RBFOX2: variants seen among roughly 807,000 people sequenced by gnomAD.
RBFOX2 encodes the protein RNA binding protein fox-1 homolog 2.
Under a neutral mutation model 49.1 loss-of-function variants are expected in RBFOX2, and 10 were observed. The observed-to-expected ratio is 0.20, with a 90% CI of 0.13 to 0.35. The LOEUF (loss-of-function observed/expected upper bound fraction) is 0.35, where lower values mean the gene tolerates loss of function less well. Ranked by LOEUF, RBFOX2 falls within the 10% of genes least tolerant of loss-of-function variation. The pLI, the probability that RBFOX2 is intolerant of heterozygous loss-of-function variation, is 1.00. For synonymous variants in RBFOX2, 183 were observed against 187.4 expected (o/e 0.98, Z 0.19); for missense variants, 323 against 486.9 (o/e 0.66, Z 3.17).
chr22:36,001,414 A>G (rs897417662), intron 1 of RBFOX2, among the ~76,000 whole-genome samples: 2 of 152,230 alleles, frequency 1.3e-5, no homozygotes, highest in Non-Finnish European at 2.9e-5. Flanking sequence ...ATGACAAAAG[A>G]AATATAAATG....
chr22:35,746,591 G>A, intron 9 of RBFOX2, 30 bp from the exon 12 acceptor site: 17 of 1,416,050 alleles, frequency 1.2e-5, no homozygotes, highest in Non-Finnish European at 1.6e-5. Context: ...TGACTTTACA[G>A]ATACCTCTCC....
intron 1 of RBFOX2, among the ~76,000 whole-genome samples, chr22:35,851,990 C>T (rs1455421990): frequency 1.3e-5 from 2 of 152,120 alleles, no homozygotes; most frequent in Non-Finnish European, 2.9e-5. Context: ...AATATACAGT[C>T]AGCCCTCCTT....
At chr22:35,836,972 A>T (rs1410261892) in intron 1 of RBFOX2, among the ~76,000 whole-genome samples, 1 of 152,232 alleles carries the variant, frequency 6.6e-6, no homozygotes, top group African/African-American at 2.4e-5. Context: ...AAAATAAGAG[A>T]TCTCAGTGAA....
At chr22:35,952,982 C>G (rs1376274687) in intron 1 of RBFOX2, among the ~76,000 whole-genome samples, 1 of 151,964 alleles carries the variant, frequency 6.6e-6, no homozygotes, top group Non-Finnish European at 1.5e-5. Context: ...GAGGCTGTGG[C>G]GGGCGGATCA....
intron 1 of RBFOX2, chr22:35,999,998 TATATATA>T (rs1569521283): frequency 1.2e-4 from 13 of 110,746 alleles, no homozygotes; most frequent in Admixed American, 7.5e-4. Context: ...TATATATATA[TATATATA>T]TTTTTTTTTT....
At chr22:35,833,588 T>G (rs1214433182) in intron 1 of RBFOX2, among the ~76,000 whole-genome samples, 1 of 152,198 alleles carries the variant, frequency 6.6e-6, no homozygotes, top group East Asian at 1.9e-4. Flanking sequence ...CTCACCTATC[T>G]CAAAGATGAT....
chr22:35,885,958 G>A (rs1478093208), intron 1 of RBFOX2, among the ~76,000 whole-genome samples: 2 of 137,140 alleles, frequency 1.5e-5, no homozygotes, highest in Admixed American at 8.2e-5. Context: ...CCGGGTCCAC[G>A]CCATTCTCCT....
intron 9 of RBFOX2, among the ~76,000 whole-genome samples, chr22:35,758,197 G>A (rs1458579720): frequency 6.6e-6 from 1 of 152,138 alleles, no homozygotes; most frequent in Non-Finnish European, 1.5e-5. Flanking sequence ...GGAAATCAGT[G>A]TTCAATGTAA....
chr22:35,795,724 T>C (rs1405169186), intron 2 of RBFOX2, among the ~76,000 whole-genome samples: 5 of 149,208 alleles, frequency 3.4e-5, no homozygotes, highest in Admixed American at 6.7e-5. Context: ...CTGACTAATA[T>C]AGTAATAAAG....
At chr22:36,020,725 T>C (rs2059212307) in intron 1 of RBFOX2, among the ~76,000 whole-genome samples, 1 of 152,126 alleles carries the variant, frequency 6.6e-6, no homozygotes, top group African/African-American at 2.4e-5. Context: ...AGAATGGCGA[T>C]CATTAAAAAG....
intron 1 of RBFOX2, among the ~76,000 whole-genome samples, chr22:35,819,675 T>C (rs1258040379): frequency 6.6e-6 from 1 of 152,182 alleles, no homozygotes; most frequent in African/African-American, 2.4e-5. Context: ...TCAGATATTC[T>C]GTTCTAGCTG....
At chr22:35,897,283 C>A in intron 1 of RBFOX2, 1 of 1,509,336 alleles carries the variant, frequency 6.6e-7, no homozygotes, top group Non-Finnish European at 9.2e-7. Flanking sequence ...ACGGTCTTGG[C>A]CAGCTTCACA....
At chr22:35,855,811 G>A (rs1183657587) in intron 1 of RBFOX2, among the ~76,000 whole-genome samples, 1 of 150,890 alleles carries the variant, frequency 6.6e-6, no homozygotes, top group Non-Finnish European at 1.5e-5. Context: ...GACTGCCTAA[G>A]TCAAAGAGTT....
At chr22:35,929,699 T>G in intron 1 of RBFOX2, among the ~76,000 whole-genome samples, 1 of 152,132 alleles carries the variant, frequency 6.6e-6, no homozygotes, top group Admixed American at 6.5e-5. Flanking sequence ...TTGCCCACGC[T>G]GGTCTTGAAC....
intron 2 of RBFOX2, among the ~76,000 whole-genome samples, chr22:35,796,923 G>GA (rs1368778332): frequency 6.6e-6 from 1 of 151,930 alleles, no homozygotes; most frequent in African/African-American, 2.4e-5. Flanking sequence ...TTTACCAATG[G>GA]AAAAAAATAG....
At position 35,947,906 on chromosome 22, in the gene RBFOX2, G is replaced by A. The variant is rs553079381; in HGVS notation, c.43-9009C>T. Reference sequence around the variant, plus strand: ...AAAAATAATTTTGTAAAAATTTAGCGTAGCCTAAGTGTACAGTGTTGATAA... The same window carrying A: ...AAAAATAATTTTGTAAAAATTTAGCATAGCCTAAGTGTACAGTGTTGATAA... On this transcript the variant is annotated intron_variant, in intron 1 of 5. Transcript: ENST00000408983. Among the ~76,000 whole-genome samples the A allele has an allele frequency of 5.3e-5, 8 of 152,184 alleles. No homozygotes were observed. In the South Asian group the frequency reaches 8.3e-4, roughly 16 times the overall value.
In RBFOX2 at chr22:35,768,358, A is replaced by G; in HGVS notation, c.454-9T>C. 6.2e-7 allele frequency: 1 copy of G among 1,611,400 alleles called. No homozygotes were observed. Among genetic ancestry groups the G allele is most frequent in the Non-Finnish European group, 8.5e-7 (1 of 1,177,656 alleles). On this transcript the variant is annotated splice_polypyrimidine_tract_variant and intron_variant, in intron 4 of 11. Coordinates refer to ENST00000405409, the Ensembl canonical transcript of RBFOX2. ...GTTACGAACCCGAATCCCTGCATGC[A>G]GCGGGAGAAGGGGGGAAAACATGCA...
chr22:35,848,334 C>T lies in RBFOX2; in HGVS notation c.-33-38330G>A, dbSNP rs975661476. On this transcript the variant is annotated intron_variant, in intron 1 of 13. Coordinates refer to the RBFOX2 transcript ENST00000359369. ...GTGAAATCCACAAATATATCAAAAC[C>T]TCATTATCGTAAATATAAAATACTC... Among the ~76,000 whole-genome samples the T allele has an allele frequency of 8.5e-5, 13 of 152,226 alleles. No individual in the cohort carries two copies. The East Asian group carries it at 1.2e-3, about 14-fold the overall frequency.
At chr22:35,775,761 A>T (rs1943721168) in intron 4 of RBFOX2, among the ~76,000 whole-genome samples, 1 of 150,620 alleles carries the variant, frequency 6.6e-6, no homozygotes, top group African/African-American at 2.5e-5. Flanking sequence ...GAATTGCTTG[A>T]ACCCAGGAGG....
Sources: gnomAD v4.1 joint callset for allele counts (sites outside exome capture counted in the v4.1 genomes callset) on GRCh38, gnomAD v4.1.1 for gene constraint, MANE v1.5 for transcripts, NCBI Gene and HGNC (gene_info 2026-07-23, HGNC 2026-07-21) for gene names.